The following SYTL5 variants were observed in gnomAD, a reference collection of about 807,000 sequenced individuals.
SYTL5 encodes the protein synaptotagmin-like protein 5.
In SYTL5, 34 loss-of-function variants were observed where a neutral mutation model predicts 55.9. That is an observed-to-expected ratio of 0.61 (90% CI 0.46 to 0.81). SYTL5 has a LOEUF of 0.81. SYTL5 is among the 30% of genes least tolerant of loss of function. The pLI is 0.00. For missense variants in SYTL5, 637 were observed against 546.7 expected (o/e 1.17, Z -1.65); for synonymous variants, 221 against 188.7 (o/e 1.17, Z -1.40).
chrX:38,114,985 T>G (rs1254700271), intron 13 of SYTL5, among the ~76,000 whole-genome samples: 1 of 112,381 alleles, frequency 8.9e-6, no homozygotes, highest in Non-Finnish European at 1.9e-5. Flanking sequence ...TTATTTTAAT[T>G]AACATAATAT....
intron 10 of SYTL5, among the ~76,000 whole-genome samples, chrX:38,106,120 G>C (rs756012176): frequency 8.9e-6 from 1 of 111,848 alleles, no homozygotes; most frequent in Non-Finnish European, 1.9e-5. Flanking sequence ...GATGCTCCAT[G>C]TAGGTGTCAA....
chrX:37,893,525 C>A, the SYTL5 span, among the ~76,000 whole-genome samples: 1 of 86,159 alleles, frequency 1.2e-5, no homozygotes, highest in African/African-American at 4.4e-5. Flanking sequence ...AATCTATAAT[C>A]TATCTATAGA....
chrX:38,080,593 G>A (rs1936505066), intron 6 of SYTL5, among the ~76,000 whole-genome samples: 1 of 111,757 alleles, frequency 8.9e-6, no homozygotes, highest in South Asian at 3.8e-4. Context: ...CCCTTAGCTA[G>A]TTCTTGTCCT....
intron 13 of SYTL5, among the ~76,000 whole-genome samples, chrX:38,117,767 G>A (rs1251062069): frequency 8.9e-6 from 1 of 111,734 alleles, no homozygotes; most frequent in African/African-American, 3.3e-5. Context: ...CCTGCCAGCT[G>A]GAGCACCTAC....
chrX:38,039,460 A>G (rs1021377784), intron 2 of SYTL5, among the ~76,000 whole-genome samples: 2 of 112,291 alleles, frequency 1.8e-5, no homozygotes, highest in East Asian at 5.6e-4. Context: ...ATTTACTTCA[A>G]AAGAACTCAG....
chrX:37,982,595 G>C, the SYTL5 span, among the ~76,000 whole-genome samples: 1 of 111,505 alleles, frequency 9.0e-6, no homozygotes, highest in Admixed American at 9.5e-5. Context: ...ATTGTATAAA[G>C]CAATATGTAA....
At position 38,039,510 on chromosome X, in the gene SYTL5, AT is replaced by A. The variant is rs775938258; in HGVS notation, c.119+5503del. On this transcript the variant is annotated intron_variant, in intron 2 of 16. Transcript: ENST00000297875. ...GGGTCATAATATCTACTCCAAAAAA[AT>A]CTCATTAACAAATTTTTACTCTACT... is the stretch of plus-strand genomic sequence containing the variant. 1.1e-4 allele frequency among the ~76,000 whole-genome samples: 12 copies of A among 112,240 alleles called. No individual in the cohort carries two copies. In the South Asian group the frequency reaches 3.0e-3, roughly 28 times the overall value.
the SYTL5 span, among the ~76,000 whole-genome samples, chrX:37,980,351 G>A: frequency 2.7e-5 from 3 of 111,592 alleles, no homozygotes. Flanking sequence ...TAGGTAGTGT[G>A]CAACAGTTAT....
At chrX:37,894,741 A>G in the SYTL5 span, among the ~76,000 whole-genome samples, 1 of 111,704 alleles carries the variant, frequency 9.0e-6, no homozygotes, top group Non-Finnish European at 1.9e-5. Context: ...GCTCTCACCA[A>G]TGTGGGTGGG....
At chrX:37,931,886 G>T in the SYTL5 span, among the ~76,000 whole-genome samples, 1 of 108,797 alleles carries the variant, frequency 9.2e-6, no homozygotes, top group Non-Finnish European at 1.9e-5. Flanking sequence ...TCTAGTCAGT[G>T]GCTAATAGTT....
intron 7 of SYTL5, among the ~76,000 whole-genome samples, chrX:38,091,816 G>A (rs899494960): frequency 7.2e-5 from 8 of 111,063 alleles, no homozygotes; most frequent in Non-Finnish European, 5.7e-5. Context: ...CTTTTCATGT[G>A]CTAATACCCT....
intron 15 of SYTL5, among the ~76,000 whole-genome samples, chrX:38,122,627 A>C (rs926268241): frequency 2.7e-5 from 3 of 112,322 alleles, no homozygotes; most frequent in Non-Finnish European, 5.6e-5. Flanking sequence ...AATTGTAAAA[A>C]GTAGAGATGT....
the SYTL5 span, among the ~76,000 whole-genome samples, chrX:37,989,897 G>T: frequency 3.6e-5 from 4 of 110,023 alleles, no homozygotes; most frequent in African/African-American, 1.3e-4. Flanking sequence ...TTTTGAGACC[G>T]AGTCCCGCTC....
chrX:37,937,785 T>C, the SYTL5 span, among the ~76,000 whole-genome samples: 3 of 112,430 alleles, frequency 2.7e-5, no homozygotes, highest in Non-Finnish European at 3.8e-5. Flanking sequence ...CATGATCACA[T>C]GAGTGAGCTA....
chrX:38,079,449 A>G lies in SYTL5; in HGVS notation c.689+2748A>G, dbSNP rs764213760. 8.9e-5 allele frequency among the ~76,000 whole-genome samples: 10 copies of G among 112,084 alleles called. No individual in the cohort carries two copies. The East Asian group carries it at 1.4e-3, about 16-fold the overall frequency. On this transcript the variant is annotated intron_variant, in intron 6 of 16. Coordinates refer to ENST00000297875, the MANE Select transcript of SYTL5 (RefSeq NM_138780.3). ...TCACCGGTTGCTAGGGACTTGACAC[A>G]TGAGACAAAGAATATTTTTAGGAAA...
chrX:37,957,290 C>T, the SYTL5 span, among the ~76,000 whole-genome samples: 2 of 110,947 alleles, frequency 1.8e-5, no homozygotes, highest in Non-Finnish European at 3.8e-5. Context: ...GATATAGTCC[C>T]CTTTGTCTAT....
chrX:38,061,222 T>C (rs956124689), intron 3 of SYTL5, among the ~76,000 whole-genome samples: 1 of 112,135 alleles, frequency 8.9e-6, no homozygotes, highest in African/African-American at 3.2e-5. Flanking sequence ...GTATTTAATT[T>C]GATATATCAA....
chrX:38,058,605 A>C (rs1935853663), intron 3 of SYTL5, among the ~76,000 whole-genome samples: 1 of 110,956 alleles, frequency 9.0e-6, no homozygotes, highest in Non-Finnish European at 1.9e-5. Context: ...GATGTTATTA[A>C]CTTTCAGTAA....
At chrX:37,930,095 G>A in the SYTL5 span, among the ~76,000 whole-genome samples, 1 of 111,611 alleles carries the variant, frequency 9.0e-6, no homozygotes, top group African/African-American at 3.2e-5. Context: ...ACCTATTAGG[G>A]CCTTACCCTA....
Sources: allele counts gnomAD v4.1 joint callset (sites outside exome capture counted in the v4.1 genomes callset), GRCh38; gene constraint gnomAD v4.1.1; transcripts MANE v1.5; gene names NCBI Gene and HGNC (gene_info 2026-07-23, HGNC 2026-07-21).